Variants in RANBP2 observed in about 807,000 individuals in gnomAD.
The protein encoded by RANBP2 is RAN binding protein 2.
In RANBP2, 57 loss-of-function variants were observed where a neutral mutation model predicts 303.6. The observed-to-expected ratio is 0.19, with a 90% CI of 0.15 to 0.23. The LOEUF (loss-of-function observed/expected upper bound fraction) is 0.23. Among genes scored for constraint, RANBP2 ranks in the 10% least tolerant of loss-of-function variants. RANBP2 has a pLI of 1.00. For missense variants in RANBP2, 3,138 were observed against 3,780.8 expected, an observed-to-expected ratio of 0.83 and a Z score of 4.46; for synonymous variants, 1,167 against 1,301.5, an observed-to-expected ratio of 0.90 and a Z score of 2.23.
At chr2:108,791,392 CAA>C in the RANBP2 span, among the ~76,000 whole-genome samples, 1 of 151,982 alleles carries the variant, frequency 6.6e-6, no homozygotes, top group African/African-American at 2.4e-5. Context: ...TATTGGGAGT[CAA>C]AATAAAGTGT....
At chr2:109,089,952 C>T in the RANBP2 span, among the ~76,000 whole-genome samples, 1 of 152,088 alleles carries the variant, frequency 6.6e-6, no homozygotes, top group African/African-American at 2.4e-5. Context: ...AAGGGCTCCT[C>T]CCAGCTGATG....
At chr2:109,678,319 A>T in the RANBP2 span, among the ~76,000 whole-genome samples, 1 of 152,236 alleles carries the variant, frequency 6.6e-6, no homozygotes, top group African/African-American at 2.4e-5. Flanking sequence ...TGTGTATCAG[A>T]GGGACATTAG....
chr2:109,199,782 T>A, the RANBP2 span, among the ~76,000 whole-genome samples: 5 of 23,866 alleles, frequency 2.1e-4, no homozygotes, highest in African/African-American at 4.8e-4. Context: ...TGGAATGGAA[T>A]GGAATGGAAT....
chr2:109,339,496 A>G, the RANBP2 span, among the ~76,000 whole-genome samples: 1 of 152,082 alleles, frequency 6.6e-6, no homozygotes. Flanking sequence ...CCCACAAAGG[A>G]GGCCCACGTG....
chr2:109,692,539 G>A, the RANBP2 span, among the ~76,000 whole-genome samples: 1 of 152,186 alleles, frequency 6.6e-6, no homozygotes, highest in Non-Finnish European at 1.5e-5. Context: ...TTCTCTCCTT[G>A]TTAAGAAGGT....
intron 6 of RANBP2, among the ~76,000 whole-genome samples, chr2:108,739,437 A>G (rs1695889965): frequency 1.3e-5 from 2 of 152,172 alleles, no homozygotes; most frequent in South Asian, 4.1e-4. Flanking sequence ...CTCTACATAC[A>G]TGAGAAAATG....
the RANBP2 span, among the ~76,000 whole-genome samples, chr2:109,182,558 A>G: frequency 3.9e-5 from 6 of 152,390 alleles, no homozygotes; most frequent in South Asian, 8.3e-4. Flanking sequence ...TAGAAAGCAC[A>G]TGGAACTTGC....
At chr2:109,195,574 A>G in the RANBP2 span, among the ~76,000 whole-genome samples, 3 of 152,204 alleles carry the variant, frequency 2.0e-5, no homozygotes. Flanking sequence ...CGCATGCTTG[A>G]TGGGCTTCCC....
At chr2:109,302,999 C>G in the RANBP2 span, among the ~76,000 whole-genome samples, 1 of 152,158 alleles carries the variant, frequency 6.6e-6, no homozygotes, top group Admixed American at 6.5e-5. Flanking sequence ...GCCTCAGCCT[C>G]CCTAGTAGCT....
chr2:108,767,991 G>A lies in RANBP2; in HGVS notation c.7452G>A (p.Gln2484=), dbSNP rs769003937. Reference sequence around the variant, plus strand: ...CAAGAGAGAGGACAGATGTTATTCAGGGTGATGATGTAGCAGATGCAACTT... The same window carrying A: ...CAAGAGAGAGGACAGATGTTATTCAAGGTGATGATGTAGCAGATGCAACTT... ...ETTRERTDVI[Q]GDDVADATSE... Residue 2484 remains glutamine, a synonymous_variant, in exon 20 of 29, where the codon CAG becomes CAA. Transcript: ENST00000283195. 1.9e-6 allele frequency: 3 copies of A among 1,611,988 alleles called. No individual in the cohort carries two copies. Among genetic ancestry groups the A allele is most frequent in the Non-Finnish European group, 2.5e-6 (3 of 1,179,860 alleles).
chr2:109,106,474 A>G, the RANBP2 span, among the ~76,000 whole-genome samples: 50 of 152,330 alleles, frequency 3.3e-4, no homozygotes, highest in African/African-American at 1.2e-3. Context: ...GGAATTCATA[A>G]CTACCTATAT....
chr2:109,078,112 ATATATAGCGTG>A, the RANBP2 span, among the ~76,000 whole-genome samples: 4 of 81,026 alleles, frequency 4.9e-5, no homozygotes, highest in East Asian at 3.5e-3. Flanking sequence ...ATATATATAT[ATATATAGCGTG>A]TATATATATA....
At chr2:108,894,031 C>T in the RANBP2 span, among the ~76,000 whole-genome samples, 1 of 152,000 alleles carries the variant, frequency 6.6e-6, no homozygotes, top group Non-Finnish European at 1.5e-5. Flanking sequence ...TAGAGCTGCC[C>T]CAGTTAAGGT....
At chr2:109,024,267 A>G in the RANBP2 span, among the ~76,000 whole-genome samples, 4 of 152,340 alleles carry the variant, frequency 2.6e-5, no homozygotes, top group South Asian at 8.3e-4. Context: ...GTTGGTTTCA[A>G]GAAGATAAGC....
chr2:108,784,005 C>T lies in RANBP2; in HGVS notation c.*104C>T, dbSNP rs1039514294. On this transcript the variant is annotated 3_prime_UTR_variant, in exon 29 of 29. Transcript: ENST00000283195. ...TTCAGCTTTTGAAAATGGACGTTTC[C>T]GATTTACAAATGTAAAATTGCAGCT... is the stretch of plus-strand genomic sequence containing the variant. 2.0e-5 allele frequency: 23 copies of T among 1,122,284 alleles called. No homozygotes were observed. Among genetic ancestry groups the T allele is most frequent in the African/African-American group, 1.3e-4 (8 of 63,754 alleles). The allele number at this position is 1,122,284 out of a possible 1,614,324, so 69.5% of individuals were successfully genotyped here. A position where few individuals can be genotyped will look rare whatever the true frequency, so the allele number is the denominator to read the frequency against.
the RANBP2 span, chr2:108,812,515 C>T: frequency 2.8e-6 from 2 of 725,054 alleles, no homozygotes; most frequent in Admixed American, 2.6e-5. Context: ...AATGCTGTCT[C>T]TGTTTTGTTA....
At chr2:108,794,819 T>C in the RANBP2 span, 2 of 963,164 alleles carry the variant, frequency 2.1e-6, no homozygotes, top group Non-Finnish European at 3.0e-6. Flanking sequence ...TTTTAATTAC[T>C]TTAGATAAGT....
the RANBP2 span, among the ~76,000 whole-genome samples, chr2:109,709,452 G>C: frequency 6.6e-6 from 1 of 152,194 alleles, no homozygotes; most frequent in Non-Finnish European, 1.5e-5. Context: ...TGCAGTGTGG[G>C]GTTTGGAGTC....
the RANBP2 span, among the ~76,000 whole-genome samples, chr2:109,257,415 G>A: frequency 2.0e-5 from 3 of 151,826 alleles, no homozygotes; most frequent in African/African-American, 7.2e-5. Context: ...AGGGAAGGAG[G>A]GAAGGAAGGG....
Sources: gnomAD v4.1 joint callset for allele counts (sites outside exome capture counted in the v4.1 genomes callset) on GRCh38, gnomAD v4.1.1 for gene constraint, MANE v1.5 for transcripts, NCBI Gene and HGNC (gene_info 2026-07-23, HGNC 2026-07-21) for gene names.